The following ANKRD30B variants were observed in gnomAD, a reference collection of about 807,000 sequenced individuals.
The protein encoded by ANKRD30B is ankyrin repeat domain 30B.
Under a neutral mutation model 202.2 loss-of-function variants are expected in ANKRD30B, and 144 were observed. The ratio of observed to expected loss-of-function variants is 0.71; its 90% CI spans 0.62 to 0.82. The LOEUF (loss-of-function observed/expected upper bound fraction) is 0.82, where lower values mean the gene tolerates loss of function less well. Among genes scored for constraint, ANKRD30B ranks in the 40% least tolerant of loss-of-function variants. The probability of loss-of-function intolerance (pLI) is 0.00; values close to 1 mark genes in which losing one functional copy is unlikely to be tolerated. For missense variants in ANKRD30B, 1,487 were observed against 1,669.1 expected, an observed-to-expected ratio of 0.89 and a Z score of 1.90; for synonymous variants, 508 against 561.3, an observed-to-expected ratio of 0.91 and a Z score of 1.34.
chr18:14,930,574 A>G, the ANKRD30B span, among the ~76,000 whole-genome samples: 1 of 152,110 alleles, frequency 6.6e-6, no homozygotes, highest in South Asian at 2.1e-4. Flanking sequence ...AAGGCCATGG[A>G]CGCTGGGTGT....
At chr18:14,797,341 C>A (rs1200754736) in intron 18 of ANKRD30B, among the ~76,000 whole-genome samples, 7 of 152,170 alleles carry the variant, frequency 4.6e-5, no homozygotes, top group Admixed American at 4.6e-4. Context: ...TTCACAGGTT[C>A]TCTGCAGGGG....
the ANKRD30B span, among the ~76,000 whole-genome samples, chr18:14,919,005 T>C: frequency 2.6e-5 from 4 of 152,344 alleles, no homozygotes; most frequent in East Asian, 7.7e-4. Context: ...CACCGGATGC[T>C]GATACTTTGA....
chr18:14,864,147 C>T, the ANKRD30B span, among the ~76,000 whole-genome samples: 1 of 152,120 alleles, frequency 6.6e-6, no homozygotes, highest in African/African-American at 2.4e-5. Context: ...CCAGCCTGAC[C>T]AACATGGAGA....
chr18:14,855,739 A>T (rs1162926501), downstream of ANKRD30B, among the ~76,000 whole-genome samples: 1 of 101,762 alleles, frequency 9.8e-6, no homozygotes, highest in Non-Finnish European at 2.0e-5. Flanking sequence ...TCACCTACCA[A>T]GGGGGGCAGC....
chr18:14,819,283 T>G (rs1303035889), intron 30 of ANKRD30B, among the ~76,000 whole-genome samples: 1 of 151,486 alleles, frequency 6.6e-6, no homozygotes, highest in East Asian at 1.9e-4. Context: ...GATGAGTAGG[T>G]TGCGAAAATT....
chr18:14,837,415 C>T (rs969728023), intron 35 of ANKRD30B, 126 bp downstream of exon 35: 1 of 919,724 alleles, frequency 1.1e-6, no homozygotes. Flanking sequence ...AATACAATGT[C>T]TACTTAAAAA....
At chr18:14,766,719 G>A (rs1567990031) in intron 7 of ANKRD30B, among the ~76,000 whole-genome samples, 1 of 152,090 alleles carries the variant, frequency 6.6e-6, no homozygotes, top group Non-Finnish European at 1.5e-5. Context: ...CAAAGCCATA[G>A]ATCTCAATGA....
At chr18:14,874,630 A>G in the ANKRD30B span, among the ~76,000 whole-genome samples, 2 of 151,900 alleles carry the variant, frequency 1.3e-5, no homozygotes, top group African/African-American at 4.8e-5. Context: ...AGGTTAAGGG[A>G]ATAGATGAAA....
the ANKRD30B span, among the ~76,000 whole-genome samples, chr18:14,895,494 C>G: frequency 6.6e-6 from 1 of 152,118 alleles, no homozygotes; most frequent in Non-Finnish European, 1.5e-5. Context: ...ACTGAATATG[C>G]TATATAATCC....
intron 34 of ANKRD30B, among the ~76,000 whole-genome samples, chr18:14,836,847 G>T (rs1378016157): frequency 6.6e-6 from 1 of 151,764 alleles, no homozygotes. Flanking sequence ...CACGTTGTCT[G>T]TCCTTCCCAA....
chr18:14,841,033 G>A (rs1039086984), intron 37 of ANKRD30B, among the ~76,000 whole-genome samples: 6 of 152,180 alleles, frequency 3.9e-5, no homozygotes, highest in Non-Finnish European at 8.8e-5. Context: ...GAAAGATAGA[G>A]CATGGTTAGA....
At chr18:14,809,200 T>C (rs1179456676) in intron 26 of ANKRD30B, among the ~76,000 whole-genome samples, 2 of 150,768 alleles carry the variant, frequency 1.3e-5, no homozygotes, top group East Asian at 3.9e-4. Context: ...GATGGTCACA[T>C]GGGGATGAAG....
At position 14,763,904 on chromosome 18, in the gene ANKRD30B, T is replaced by A; in HGVS notation, c.1039T>A (p.Ser347Thr). ...RKILRPTKET[S>T]EKFSWPAKER... Reference sequence around the variant, plus strand: ...AATTTTGAGGCCTACAAAAGAAACATCTGAGAAATTTTCATGGCCAGCAAA... The same window carrying A: ...AATTTTGAGGCCTACAAAAGAAACAACTGAGAAATTTTCATGGCCAGCAAA... The change falls in exon 7 of 44, where the codon TCT becomes ACT. Residue 347 changes from serine to threonine, a missense_variant. Ser to Thr is a moderately conservative substitution (Grantham distance 58). Transcript: ENST00000690538. 6.2e-7 allele frequency: 1 copy of A among 1,611,710 alleles called. No individual in the cohort carries two copies. Among genetic ancestry groups the A allele is most frequent in the Non-Finnish European group, 8.5e-7 (1 of 1,178,842 alleles).
At chr18:14,837,174 T>C in intron 34 of ANKRD30B, 37 bp from the exon 35 acceptor site, 2 of 1,414,890 alleles carry the variant, frequency 1.4e-6, no homozygotes, top group South Asian at 1.4e-5. Flanking sequence ...CTGAAGTTTT[T>C]TTTTTGTGTT....
the ANKRD30B span, among the ~76,000 whole-genome samples, chr18:14,934,825 C>A: frequency 6.6e-6 from 1 of 151,870 alleles, no homozygotes; most frequent in East Asian, 1.9e-4. Flanking sequence ...GCTTTTGGTT[C>A]CTGGAGTGCA....
At chr18:14,857,533 C>T (rs1200134012), downstream of ANKRD30B, among the ~76,000 whole-genome samples, 2 of 1,618 alleles carry the variant, frequency 1.2e-3, no homozygotes, top group African/African-American at 1.4e-3. Flanking sequence ...CAGGAAGAGG[C>T]GCTCCTCACC....
intron 5 of ANKRD30B, among the ~76,000 whole-genome samples, 169 bp from the exon 6 acceptor site, chr18:14,760,385 G>A (rs1167894235): frequency 6.6e-6 from 1 of 152,098 alleles, no homozygotes; most frequent in Non-Finnish European, 1.5e-5. Flanking sequence ...TATTTAATTA[G>A]AAGCTTAATA....
At chr18:14,917,189 C>G in the ANKRD30B span, among the ~76,000 whole-genome samples, 6 of 152,356 alleles carry the variant, frequency 3.9e-5, no homozygotes, top group African/African-American at 1.4e-4. Flanking sequence ...CATTCTCCGT[C>G]TTCTGTGCAG....
the ANKRD30B span, among the ~76,000 whole-genome samples, chr18:14,931,236 C>T: frequency 1.3e-5 from 2 of 152,186 alleles, no homozygotes; most frequent in Non-Finnish European, 2.9e-5. Context: ...TTTAGAGGCT[C>T]TTTAGTCCAA....
Sources: gnomAD v4.1 joint callset for allele counts (sites outside exome capture counted in the v4.1 genomes callset) on GRCh38, gnomAD v4.1.1 for gene constraint, MANE v1.5 for transcripts, NCBI Gene and HGNC (gene_info 2026-07-23, HGNC 2026-07-21) for gene names.